Variants in NAV3 observed in about 807,000 individuals in gnomAD.
NAV3 encodes neuron navigator 3.
Under a neutral mutation model 244.7 loss-of-function variants are expected in NAV3, and 87 were observed. That is an observed-to-expected ratio of 0.36 (90% CI 0.30 to 0.42). The LOEUF (loss-of-function observed/expected upper bound fraction) is 0.42, where lower values mean the gene tolerates loss of function less well. Ranked by LOEUF, NAV3 falls within the 20% of genes least tolerant of loss-of-function variation. The pLI, the probability that NAV3 is intolerant of heterozygous loss-of-function variation, is 1.00. For missense variants in NAV3, 2,663 were observed against 2,893.3 expected (o/e 0.92, Z 1.83); for synonymous variants, 1,126 against 1,042.2 (o/e 1.08, Z -1.55).
At chr12:78,012,545 ACGT>A (rs1432146329) in intron 8 of NAV3, among the ~76,000 whole-genome samples, 1 of 152,012 alleles carries the variant, frequency 6.6e-6, no homozygotes, top group Non-Finnish European at 1.5e-5. Context: ...TTCCCCCAGC[ACGT>A]TGTATCTCAG....
chr12:77,657,477 C>T (rs1020328315), intron 2 of NAV3, among the ~76,000 whole-genome samples: 2 of 152,114 alleles, frequency 1.3e-5, no homozygotes, highest in African/African-American at 4.8e-5. Flanking sequence ...AGCTTACCCA[C>T]CAAAAAGAGT....
chr12:78,071,158 C>T (rs1408102221), intron 12 of NAV3, among the ~76,000 whole-genome samples: 1 of 152,150 alleles, frequency 6.6e-6, no homozygotes, highest in African/African-American at 2.4e-5. Context: ...AACTAGTTTA[C>T]AGTCCCACCA....
At chr12:78,182,549 A>G (rs1354973799) in intron 30 of NAV3, among the ~76,000 whole-genome samples, 1 of 152,000 alleles carries the variant, frequency 6.6e-6, no homozygotes, top group Non-Finnish European at 1.5e-5. Context: ...TAGAAAAAAC[A>G]GACACATATA....
intron 2 of NAV3, among the ~76,000 whole-genome samples, chr12:77,625,448 G>T (rs867865964): frequency 6.6e-6 from 1 of 151,724 alleles, no homozygotes; most frequent in East Asian, 1.9e-4. Context: ...TGGATTTAAG[G>T]CTCGAGCTCC....
intron 2 of NAV3, among the ~76,000 whole-genome samples, chr12:77,617,232 T>C (rs1871176029): frequency 1.3e-5 from 2 of 152,206 alleles, no homozygotes; most frequent in East Asian, 3.9e-4. Flanking sequence ...ATAACTGTAG[T>C]AGCCAGTCCC....
rs2136603335 is a variant in NAV3 at position 78,007,446 on chromosome 12, G to A, written c.1907+1G>A. On this transcript the variant is annotated splice_donor_variant, in intron 8 of 39. Transcript: ENST00000397909. LOFTEE classifies it high-confidence loss of function. ...CGACAGTGGCACCATTCATTTACAG[G>A]TAAGGTGGCCTCTGTTTATCCACAG... 6.2e-7 allele frequency: 1 copy of A among 1,611,542 alleles called. No individual in the cohort carries two copies.
chr12:78,138,883 C>T (rs904428453), intron 19 of NAV3, among the ~76,000 whole-genome samples: 18 of 152,034 alleles, frequency 1.2e-4, no homozygotes, highest in Admixed American at 2.6e-4. Flanking sequence ...TCTTAAATGG[C>T]GATCTAGATT....
chr12:77,941,278 G>C, intron 3 of NAV3, 145 bp downstream of exon 3: 1 of 585,096 alleles, frequency 1.7e-6, no homozygotes, highest in Non-Finnish European at 3.0e-6. Context: ...TATTTGTGTG[G>C]GTTCAATTTA....
At chr12:77,693,828 C>T (rs2137170570) in intron 2 of NAV3, among the ~76,000 whole-genome samples, 1 of 152,150 alleles carries the variant, frequency 6.6e-6, no homozygotes, top group East Asian at 1.9e-4. Flanking sequence ...CTACCAAACT[C>T]AGTTTATTTT....
chr12:77,935,554 A>G (rs2137391089), intron 1 of NAV3, among the ~76,000 whole-genome samples: 1 of 152,366 alleles, frequency 6.6e-6, no homozygotes, highest in Admixed American at 6.5e-5. Flanking sequence ...ATTTCATATT[A>G]AAGCAGTGAG....
At chr12:77,864,615 C>G (rs145200259) in intron 1 of NAV3, among the ~76,000 whole-genome samples, 12 of 152,076 alleles carry the variant, frequency 7.9e-5, no homozygotes, top group African/African-American at 2.6e-4. Flanking sequence ...GGAATATATT[C>G]CAATAAAGTC....
At chr12:78,191,168 G>A (rs1192664643) in intron 34 of NAV3, among the ~76,000 whole-genome samples, 2 of 152,102 alleles carry the variant, frequency 1.3e-5, no homozygotes, top group Admixed American at 1.3e-4. Flanking sequence ...AAACCCATTA[G>A]ATTCTTGAAA....
At chr12:78,006,341 T>C (rs1352135519) in intron 7 of NAV3, 78 bp from the exon 8 acceptor site, 6 of 1,319,092 alleles carry the variant, frequency 4.5e-6, no homozygotes, top group Non-Finnish European at 6.3e-6. Context: ...CATCAATAGT[T>C]TGGAAGTTCT....
chr12:78,064,261 G>A (rs532473178), intron 12 of NAV3, among the ~76,000 whole-genome samples: 52 of 152,176 alleles, frequency 3.4e-4, no homozygotes, highest in African/African-American at 1.2e-3. Flanking sequence ...CAGTTCTGGA[G>A]GCTAGAAGTT....
chr12:77,781,046 TA>T (rs759091504), intron 2 of NAV3, among the ~76,000 whole-genome samples: 2 of 152,182 alleles, frequency 1.3e-5, no homozygotes, highest in Non-Finnish European at 2.9e-5. Context: ...TTTATTGGCT[TA>T]AAACAACACA....
At chr12:77,750,285 A>G (rs1451018798) in intron 2 of NAV3, among the ~76,000 whole-genome samples, 1 of 152,160 alleles carries the variant, frequency 6.6e-6, no homozygotes. Flanking sequence ...CCTGGGAGGC[A>G]GAGGTTGCAG....
At chr12:77,716,910 G>C (rs1189525629) in intron 2 of NAV3, among the ~76,000 whole-genome samples, 4 of 152,042 alleles carry the variant, frequency 2.6e-5, no homozygotes, top group Admixed American at 2.6e-4. Context: ...TCTGTTGAGA[G>C]CAGAAATCCG....
At chr12:77,855,238 A>T (rs1348047561) in intron 1 of NAV3, among the ~76,000 whole-genome samples, 1 of 152,218 alleles carries the variant, frequency 6.6e-6, no homozygotes, top group South Asian at 2.1e-4. Flanking sequence ...AATTGTCTAA[A>T]TATTTATACA....
intron 1 of NAV3, among the ~76,000 whole-genome samples, chr12:77,880,209 C>A (rs967783407): frequency 6.6e-6 from 1 of 152,160 alleles, no homozygotes; most frequent in African/African-American, 2.4e-5. Flanking sequence ...AGTCATGAGT[C>A]GCACAATTCT....
Sources: allele counts gnomAD v4.1 joint callset (sites outside exome capture counted in the v4.1 genomes callset), GRCh38; gene constraint gnomAD v4.1.1; transcripts MANE v1.5; gene names NCBI Gene and HGNC (gene_info 2026-07-23, HGNC 2026-07-21).